The following PALS2 variants were observed in gnomAD, a reference collection of about 807,000 sequenced individuals.
PALS2 encodes protein PALS2.
A neutral mutation model predicts 61.6 loss-of-function variants in PALS2; 27 were observed. The ratio of observed to expected loss-of-function variants is 0.44; its 90% CI spans 0.32 to 0.60. The LOEUF (loss-of-function observed/expected upper bound fraction) is 0.60. PALS2 is among the 20% of genes least tolerant of loss of function. The probability of loss-of-function intolerance (pLI) is 0.05; values close to 1 mark genes in which losing one functional copy is unlikely to be tolerated. For synonymous variants in PALS2, 236 were observed against 218.6 expected (o/e 1.08, Z -0.70); for missense variants, 554 against 639.4 (o/e 0.87, Z 1.44).
intron 1 of PALS2, among the ~76,000 whole-genome samples, chr7:24,582,497 A>G (rs889536574): frequency 6.6e-6 from 1 of 152,134 alleles, no homozygotes; most frequent in Non-Finnish European, 1.5e-5. Context: ...CTTTATTGGT[A>G]TTACCAGCTT....
Position 24,691,389 on chromosome 7 carries a change from A to ATATGTGTGTG in PALS2, c.*3776_*3777insATGTGTGTGT, listed in dbSNP as rs1554318902. ...ATGTTCGAGTTGCCATATATTATGT[A>ATATGTGTGTG]TGTGTGTGTGTGTGTGTATATATAT... On this transcript the variant is annotated 3_prime_UTR_variant, in exon 12 of 12. Coordinates refer to ENST00000222644, the MANE Select transcript of PALS2 (RefSeq NM_001303037.2). 1 of 87,710 alleles carries ATATGTGTGTG rather than the reference A, an allele frequency of 1.1e-5. No individual in the cohort carries two copies. The highest frequency in any genetic ancestry group is 4.5e-5 in the African/African-American group (1 of 22,368). The allele number at this position is 87,710 out of a possible 1,614,324, so 5.4% of individuals were successfully genotyped here.
At chr7:24,589,117 A>C (rs1783184603) in intron 1 of PALS2, 1 of 152,090 alleles carries the variant, frequency 6.6e-6, no homozygotes, top group South Asian at 2.1e-4. Context: ...CAAAGTTCTC[A>C]AGTAAGTGCA....
intron 1 of PALS2, among the ~76,000 whole-genome samples, chr7:24,604,219 GAAAAAAAA>G (rs58169190): frequency 0.02 from 1,710 of 86,170 alleles, 58 homozygotes; most frequent in African/African-American, 0.055. Flanking sequence ...TTCAAGAAAA[GAAAAAAAA>G]AAAAAAAAAA....
At chr7:24,629,551 A>G (rs1156845299) in intron 2 of PALS2, among the ~76,000 whole-genome samples, 2 of 152,200 alleles carry the variant, frequency 1.3e-5, no homozygotes, top group African/African-American at 2.4e-5. Context: ...CAGGCAGCCT[A>G]CAGAATGGGA....
intron 1 of PALS2, among the ~76,000 whole-genome samples, chr7:24,602,917 C>A (rs1240711763): frequency 2.6e-5 from 4 of 152,116 alleles, no homozygotes; most frequent in African/African-American, 4.8e-5. Flanking sequence ...CTGGTATTTT[C>A]CCTGCTGCCA....
intron 9 of PALS2, among the ~76,000 whole-genome samples, chr7:24,671,532 A>T (rs533720531): frequency 1.3e-5 from 2 of 152,092 alleles, no homozygotes; most frequent in Non-Finnish European, 2.9e-5. Context: ...TTTCATTTTG[A>T]TGAAGTCCAA....
At chr7:24,581,910 A>G (rs918391591) in intron 1 of PALS2, among the ~76,000 whole-genome samples, 3 of 152,248 alleles carry the variant, frequency 2.0e-5, no homozygotes, top group Admixed American at 6.5e-5. Flanking sequence ...CGATTGACAC[A>G]TATCTTAAAT....
intron 2 of PALS2, among the ~76,000 whole-genome samples, chr7:24,629,071 C>T (rs752364912): frequency 3.9e-5 from 6 of 152,086 alleles, no homozygotes; most frequent in East Asian, 1.9e-4. Context: ...GGAGGCATCA[C>T]GCTACCTGAC....
At chr7:24,615,750 A>T (rs1011202539) in intron 1 of PALS2, among the ~76,000 whole-genome samples, 1 of 152,136 alleles carries the variant, frequency 6.6e-6, no homozygotes, top group East Asian at 1.9e-4. Flanking sequence ...AGACAAGGAC[A>T]TCACACAAAA....
chr7:24,611,866 G>T (rs1784124939), intron 1 of PALS2, among the ~76,000 whole-genome samples: 1 of 151,862 alleles, frequency 6.6e-6, no homozygotes, highest in African/African-American at 2.4e-5. Context: ...ATATTAAAAT[G>T]CTTATAAGCC....
chr7:24,580,789 T>C (rs1407546780), intron 1 of PALS2, among the ~76,000 whole-genome samples: 1 of 152,240 alleles, frequency 6.6e-6, no homozygotes, highest in Non-Finnish European at 1.5e-5. Flanking sequence ...CTTCTTGCTA[T>C]CAAGAGGTTG....
chr7:24,648,003 G>A (rs1447310061), intron 3 of PALS2, among the ~76,000 whole-genome samples: 3 of 152,150 alleles, frequency 2.0e-5, no homozygotes, highest in Non-Finnish European at 4.4e-5. Flanking sequence ...AGGATATAGG[G>A]TGGAAAACTA....
chr7:24,650,932 G>T (rs1786115581), intron 5 of PALS2, among the ~76,000 whole-genome samples: 1 of 152,096 alleles, frequency 6.6e-6, no homozygotes, highest in Non-Finnish European at 1.5e-5. Context: ...TTAACACCAG[G>T]AACCCTGGCA....
At chr7:24,672,976 G>A (rs371703556) in intron 9 of PALS2, among the ~76,000 whole-genome samples, 2 of 152,126 alleles carry the variant, frequency 1.3e-5, no homozygotes, top group African/African-American at 4.8e-5. Context: ...GAACATCCTT[G>A]TCTTGTTCAT....
At chr7:24,685,647 GTTTTTTTTT>G (rs34096637) in intron 11 of PALS2, among the ~76,000 whole-genome samples, 34 of 132,900 alleles carry the variant, frequency 2.6e-4, no homozygotes, top group African/African-American at 8.6e-4. Flanking sequence ...TGTTAACAGG[GTTTTTTTTT>G]TTTTTTTTTT....
chr7:24,691,667 A>T lies in PALS2; in HGVS notation c.*4053A>T, dbSNP rs913399034. ...AGAAACTCAGAAAGTAGTCATTATT[A>T]TAATAAATTTAATTTTCTTAGGGAA... is the stretch of plus-strand genomic sequence containing the variant. On this transcript the variant is annotated 3_prime_UTR_variant, in exon 12 of 12. Coordinates refer to ENST00000222644, the MANE Select transcript of PALS2 (RefSeq NM_001303037.2). 3 of 151,736 alleles carry T rather than the reference A, an allele frequency of 2.0e-5. No homozygotes were observed. The highest frequency in any genetic ancestry group is 2.9e-5 in the Non-Finnish European group (2 of 67,836). The allele number at this position is 151,736 out of a possible 1,614,324, so 9.4% of individuals were successfully genotyped here.
At chr7:24,638,706 A>C (rs1179775532) in intron 2 of PALS2, among the ~76,000 whole-genome samples, 1 of 151,988 alleles carries the variant, frequency 6.6e-6, no homozygotes, top group East Asian at 1.9e-4. Flanking sequence ...AAATCTTCAG[A>C]TGTGCTTGGG....
At position 24,691,387 on chromosome 7, in the gene PALS2, GTA is replaced by G. The variant is rs1212016447; in HGVS notation, c.*3775_*3776del. Reference sequence around the variant, plus strand: ...AAATGTTCGAGTTGCCATATATTATGTATGTGTGTGTGTGTGTGTATATATAT... The same window carrying G: ...AAATGTTCGAGTTGCCATATATTATGTGTGTGTGTGTGTGTGTATATATAT... On this transcript the variant is annotated 3_prime_UTR_variant, in exon 12 of 12. Transcript: ENST00000222644. 3.0e-4 allele frequency: 20 copies of G among 66,398 alleles called. No individual in the cohort carries two copies. Among genetic ancestry groups the G allele is most frequent in the South Asian group, 2.7e-3 (4 of 1,506 alleles). 4.1% of individuals were successfully genotyped at this position (66,398 alleles called of 1,614,324 possible).
intron 9 of PALS2, among the ~76,000 whole-genome samples, chr7:24,675,008 C>G (rs1361719184): frequency 6.6e-6 from 1 of 152,148 alleles, no homozygotes. Context: ...TCTAAGGAAT[C>G]AGTTGTAGTC....
Sources: allele counts gnomAD v4.1 joint callset (sites outside exome capture counted in the v4.1 genomes callset), GRCh38; gene constraint gnomAD v4.1.1; transcripts MANE v1.5; gene names NCBI Gene and HGNC (gene_info 2026-07-23, HGNC 2026-07-21).